GMPPA: variants seen among roughly 807,000 people sequenced by gnomAD.
GMPPA encodes GDP-mannose pyrophosphorylase A, also known as mannose-1-phosphate guanylyltransferase regulatory subunit alpha.
A neutral mutation model predicts 58.6 loss-of-function variants in GMPPA; 46 were observed. The ratio of observed to expected loss-of-function variants is 0.78; its 90% CI spans 0.62 to 1.00. The LOEUF (loss-of-function observed/expected upper bound fraction) is 1.00. Among genes scored for constraint, GMPPA ranks in the 50% least tolerant of loss-of-function variants. GMPPA has a pLI of 0.00. For missense variants in GMPPA, 468 were observed against 556.4 expected (o/e 0.84, Z 1.60); for synonymous variants, 211 against 214.9 (o/e 0.98, Z 0.16).
At chr2:219,501,439 A>C in intron 3 of GMPPA, 37 bp from the exon 4 acceptor site, 2 of 1,160,748 alleles carry the variant, frequency 1.7e-6, no homozygotes, top group African/African-American at 1.5e-5. Flanking sequence ...CCCTCCTATT[A>C]GATATTCTTC....
Position 219,502,061 on chromosome 2 carries a change from G to T in GMPPA, c.429+24G>T. On this transcript the variant is annotated intron_variant, in intron 5 of 12. Coordinates refer to ENST00000313597, the MANE Select transcript of GMPPA (RefSeq NM_013335.4). The surrounding 1 kb of genome is among the most constrained non-coding windows in gnomAD (Gnocchi z 4.0). ...CGGTGAGGGGGTCAGGAGGGCTGGA[G>T]GGTGTAGAGGAGGTGATCCCAAGAG... The T allele has an allele frequency of 1.2e-6, 2 of 1,610,596 alleles. No homozygotes were observed. Among genetic ancestry groups the T allele is most frequent in the Non-Finnish European group, 1.7e-6 (2 of 1,177,516 alleles).
At chr2:219,504,342 T>C (rs1339516778) in intron 7 of GMPPA, 129 bp downstream of exon 7, 16 of 831,758 alleles carry the variant, frequency 1.9e-5, no homozygotes, top group Non-Finnish European at 2.3e-5. Context: ...CCACTTGCCA[T>C]CTCCAGCAGA....
chr2:219,505,163 CTG>C (rs1319270086), intron 7 of GMPPA, 63 bp from the exon 8 acceptor site: 13 of 1,553,766 alleles, frequency 8.4e-6, no homozygotes, highest in South Asian at 8.0e-5. Context: ...CCCTGGGAGA[CTG>C]TGTTAGCCCC....
At chr2:219,504,965 A>G in intron 7 of GMPPA, 1 of 944,354 alleles carries the variant, frequency 1.1e-6, no homozygotes, top group Non-Finnish European at 1.4e-6. Context: ...AATGGGGGGA[A>G]CTCCTTATGG....
In GMPPA at chr2:219,501,526, G is replaced by GC; in HGVS notation, c.193dup (p.Leu65ProfsTer13). The stretch of plus-strand genomic sequence containing the variant: ...TCATTGGCTTCTACCAACCTGATGA[G>GC]CCCCTCACCCAGTTCCTAGAAGCCG... On this transcript the variant is annotated frameshift_variant, in exon 4 of 13. Coordinates refer to ENST00000313597, the MANE Select transcript of GMPPA (RefSeq NM_013335.4). LOFTEE classifies it high-confidence loss of function. The GC allele has an allele frequency of 6.2e-7, 1 of 1,613,362 alleles. No homozygotes were observed. Among genetic ancestry groups the GC allele is most frequent in the Non-Finnish European group, 8.5e-7 (1 of 1,179,316 alleles).
rs1166835274 is a variant in GMPPA, at chr2:219,504,921, G to C, written c.621-307G>C. 1.0e-5 allele frequency: 11 copies of C among 1,104,546 alleles called. No individual in the cohort carries two copies. The East Asian group carries it at 3.3e-4, about 33-fold the overall frequency. 68.4% of individuals were successfully genotyped at this position (1,104,546 alleles called of 1,614,324 possible). A position where few individuals can be genotyped will look rare whatever the true frequency, so the allele number is the denominator to read the frequency against. ...CAATGAGGGGGAGGGTAACTTGGAG[G>C]GGGTAAAGGGCTGAATGGGGATGAG... On this transcript the variant is annotated intron_variant, in intron 7 of 12. Transcript: ENST00000313597.
chr2:219,504,020 G>A, intron 6 of GMPPA, 63 bp from the exon 7 acceptor site: 1 of 1,583,630 alleles, frequency 6.3e-7, no homozygotes, highest in Non-Finnish European at 8.6e-7. Context: ...AGAAATCAGA[G>A]GGTCTTAGGG....
rs747253331 is a variant in GMPPA at position 219,501,585 on chromosome 2, T to A, written c.242+6T>A. 1.9e-6 allele frequency: 3 copies of A among 1,555,728 alleles called. No homozygotes were observed. The highest frequency in any genetic ancestry group is 2.7e-6 in the Non-Finnish European group (3 of 1,126,770). The stretch of plus-strand genomic sequence containing the variant: ...GAGTTTAACCTTCCAGTCAGGTGTT[T>A]GTGCACACACTCGTATATGGGGGGG... On this transcript the variant is annotated splice_donor_region_variant and intron_variant, in intron 4 of 12. Transcript: ENST00000313597.
chr2:219,506,373 T>C lies in GMPPA; in HGVS notation c.1113T>C (p.Ser371=). The change falls in exon 12 of 13, where the codon AGT becomes AGC. Residue 371 remains serine, a synonymous_variant. Transcript: ENST00000313597. ...NPNDPRARMD[S]ESLFKDGKLL... is the part of the protein sequence containing the mutation. ...ACGATCCCCGAGCCCGCATGGACAG[T>C]GAGAGCCTCTTCAAGGACGGGAAGC... 11 of 1,613,664 alleles carry C rather than the reference T, an allele frequency of 6.8e-6. No individual in the cohort carries two copies. The highest frequency in any genetic ancestry group is 9.3e-6 in the Non-Finnish European group (11 of 1,179,946).
rs1694433580 is a variant in GMPPA, at chr2:219,502,432, G to A, written c.480G>A (p.Gln160=). Residue 160 remains glutamine, a synonymous_variant, in exon 6 of 13, where the codon CAG becomes CAA. Coordinates refer to ENST00000313597, the MANE Select transcript of GMPPA (RefSeq NM_013335.4). The surrounding 1 kb of genome is among the most constrained non-coding windows in gnomAD (Gnocchi z 4.0). ...LNYGCIVENP[Q]THEVLHYVEK... ...ACGGCTGCATCGTTGAGAATCCACAGACACACGAGGTGAGAGCAGAGTGGG... is the reference window on the plus strand; with the variant it reads ...ACGGCTGCATCGTTGAGAATCCACAAACACACGAGGTGAGAGCAGAGTGGG... 4 of 1,613,820 alleles carry A rather than the reference G, an allele frequency of 2.5e-6. No homozygotes were observed. Among genetic ancestry groups the A allele is most frequent in the Non-Finnish European group, 3.4e-6 (4 of 1,179,766 alleles).
At chr2:219,504,278 G>T (rs75911518) in intron 7 of GMPPA, 65 bp downstream of exon 7, 2 of 1,489,938 alleles carry the variant, frequency 1.3e-6, no homozygotes, top group Non-Finnish European at 1.9e-6. Context: ...ACACATACCA[G>T]TCTCTGCAGG....
At chr2:219,506,108 C>A in intron 11 of GMPPA, 36 bp downstream of exon 11, 1 of 1,497,612 alleles carries the variant, frequency 6.7e-7, no homozygotes, top group Non-Finnish European at 9.2e-7. Flanking sequence ...TGTGACACCC[C>A]AAGAGGCTGC....
chr2:219,504,055 T>C (rs768940436), intron 6 of GMPPA, 28 bp from the exon 7 acceptor site: 99 of 1,613,668 alleles, frequency 6.1e-5, no homozygotes, highest in South Asian at 4.2e-4. Flanking sequence ...TCCCTTCTTC[T>C]ACTGAACCCA....
chr2:219,504,179 G>T lies in GMPPA; in HGVS notation c.586G>T (p.Asp196Tyr). Residue 196 changes from aspartate to tyrosine, a missense_variant, in exon 7 of 13, where the codon GAT (aspartate) becomes TAT (tyrosine). By Grantham distance (160) the Asp-to-Tyr change is radical. Coordinates refer to ENST00000313597, the MANE Select transcript of GMPPA (RefSeq NM_013335.4). ...TCCTGAAGCCTTGAAGCCTCTTCGG[G>T]ATGTCTTCCAGCGTAATCAGCAGGA... is the stretch of plus-strand genomic sequence containing the variant. ...FSPEALKPLR[D>Y]VFQRNQQDGQ... 1 of 1,614,098 alleles carries T rather than the reference G, an allele frequency of 6.2e-7. No individual in the cohort carries two copies. Among genetic ancestry groups the T allele is most frequent in the Non-Finnish European group, 8.5e-7 (1 of 1,179,986 alleles).
At position 219,501,982 on chromosome 2, in the gene GMPPA, C is replaced by G. The variant is rs754236303; in HGVS notation, c.374C>G (p.Ala125Gly). The G allele has an allele frequency of 1.2e-6, 2 of 1,614,184 alleles. No individual in the cohort carries two copies. The highest frequency in any genetic ancestry group is 1.7e-6 in the Non-Finnish European group (2 of 1,180,038). ...ADVCSDFPLSAMLEAHRRQRH... is the reference protein window; with the variant it reads ...ADVCSDFPLSGMLEAHRRQRH... ...GTCTGCTCCGACTTCCCCTTGAGTG[C>G]TATGTTGGAAGCCCACCGACGCCAG... The change falls in exon 5 of 13, where the codon GCT becomes GGT. Residue 125 changes from alanine (A) to glycine (G), a missense_variant. By Grantham distance (60) the Ala-to-Gly change is moderately conservative (BLOSUM62 0). Coordinates refer to ENST00000313597, the MANE Select transcript of GMPPA (RefSeq NM_013335.4).
chr2:219,501,372 C>A, intron 3 of GMPPA, 104 bp from the exon 4 acceptor site: 1 of 761,508 alleles, frequency 1.3e-6, no homozygotes, highest in Non-Finnish European at 2.3e-6. Flanking sequence ...GGCCCCACAG[C>A]TGAGACTGAA....
Position 219,500,188 on chromosome 2 carries a change from G to A in GMPPA, c.108G>A (p.Met36Ile), listed in dbSNP as rs745438072. 1 of 1,582,228 alleles carries A rather than the reference G, an allele frequency of 6.3e-7. No homozygotes were observed. Among genetic ancestry groups the A allele is most frequent in the Admixed American group, 1.8e-5 (1 of 55,412 alleles). Reference sequence around the variant, plus strand: ...TGTTTCCTGTGGCAGGGGTCCCTATGATCCAACACCATATTGAAGCCTGTG... The same window carrying A: ...TGTTTCCTGTGGCAGGGGTCCCTATAATCCAACACCATATTGAAGCCTGTG... ...KPLFPVAGVP[M>I]IQHHIEACAQ... The change falls in exon 3 of 13, where the codon ATG (methionine) becomes ATA (isoleucine). Residue 36 changes from methionine to isoleucine, a missense_variant. By Grantham distance (10) the Met-to-Ile change is conservative. Coordinates refer to ENST00000313597, the MANE Select transcript of GMPPA (RefSeq NM_013335.4).
rs1273382881 is a variant in GMPPA, at chr2:219,501,836, G to T, written c.243-15G>T. 6.2e-7 allele frequency: 1 copy of T among 1,612,656 alleles called. No individual in the cohort carries two copies. Among genetic ancestry groups the T allele is most frequent in the Non-Finnish European group, 8.5e-7 (1 of 1,178,886 alleles). ...CTAAGATCCACTGAGCTGGCTCTCG[G>T]GTCCCTGGGGACAGGTACCTGCAGG... is the stretch of plus-strand genomic sequence containing the variant. On this transcript the variant is annotated splice_polypyrimidine_tract_variant and intron_variant, in intron 4 of 12. Coordinates refer to ENST00000313597, the MANE Select transcript of GMPPA (RefSeq NM_013335.4).
At chr2:219,504,002 A>G in intron 6 of GMPPA, 81 bp from the exon 7 acceptor site, 1 of 1,512,560 alleles carries the variant, frequency 6.6e-7, no homozygotes, top group Non-Finnish European at 9.1e-7. Flanking sequence ...GAGAGGCAAG[A>G]AGGGCCTAGA....
Sources: gnomAD v4.1 joint callset for allele counts on GRCh38, gnomAD v4.1.1 for gene constraint, Gnocchi (gnomAD v3.1) non-coding constraint, MANE v1.5 for transcripts, NCBI Gene and HGNC (gene_info 2026-07-23, HGNC 2026-07-21) for gene names.